SEMA3E: variants seen among roughly 807,000 people sequenced by gnomAD.
SEMA3E encodes the protein semaphorin 3E.
In SEMA3E, 49 loss-of-function variants were observed where a neutral mutation model predicts 93.6. That is an observed-to-expected ratio of 0.52 (90% CI 0.42 to 0.66). The LOEUF (loss-of-function observed/expected upper bound fraction) is 0.66. Ranked by LOEUF, SEMA3E falls within the 30% of genes least tolerant of loss-of-function variation. SEMA3E has a pLI of 0.00. For missense variants in SEMA3E, 906 were observed against 964.8 expected, an observed-to-expected ratio of 0.94 and a Z score of 0.81; for synonymous variants, 363 against 330.7, an observed-to-expected ratio of 1.10 and a Z score of -1.06.
intron 2 of SEMA3E, among the ~76,000 whole-genome samples, chr7:83,477,540 C>T (rs937214922): frequency 6.6e-6 from 1 of 152,040 alleles, no homozygotes; most frequent in African/African-American, 2.4e-5. Context: ...TGTCATTACT[C>T]AAGCAGTTTA....
Position 83,459,569 on chromosome 7 carries a change from G to C in SEMA3E, c.456+6913C>G, listed in dbSNP as rs969223711. ...CTAAAGTTCTACTTTTATATCCTCT[G>C]CATTGTTTCTTTAAAATGAATCAAT... On this transcript the variant is annotated intron_variant, in intron 4 of 16. Transcript: ENST00000643230. 3.3e-5 allele frequency among the ~76,000 whole-genome samples: 5 copies of C among 152,176 alleles called. No homozygotes were observed. In the South Asian group the frequency reaches 1.0e-3, roughly 32 times the overall value.
At chr7:83,410,184 A>G (rs1788410777) in intron 5 of SEMA3E, among the ~76,000 whole-genome samples, 1 of 151,952 alleles carries the variant, frequency 6.6e-6, no homozygotes, top group Non-Finnish European at 1.5e-5. Flanking sequence ...TGGTTTCCAA[A>G]AAAGAATTCA....
intron 1 of SEMA3E, among the ~76,000 whole-genome samples, chr7:83,571,630 A>G (rs997996387): frequency 6.6e-6 from 1 of 152,238 alleles, no homozygotes; most frequent in African/African-American, 2.4e-5. Context: ...CTGAATGAGC[A>G]AAGGCTGGAA....
chr7:83,528,118 A>G (rs1299450574), intron 1 of SEMA3E, among the ~76,000 whole-genome samples: 1 of 151,676 alleles, frequency 6.6e-6, no homozygotes, highest in Admixed American at 6.6e-5. Flanking sequence ...GGTAGGAAAA[A>G]GTAACTGTCA....
At chr7:83,411,859 T>A (rs996771375) in intron 5 of SEMA3E, among the ~76,000 whole-genome samples, 2 of 152,190 alleles carry the variant, frequency 1.3e-5, no homozygotes, top group Non-Finnish European at 2.9e-5. Flanking sequence ...AGAAGAACTA[T>A]CTAAGGATTT....
chr7:83,604,530 G>A (rs1287669552), intron 1 of SEMA3E, among the ~76,000 whole-genome samples: 1 of 146,718 alleles, frequency 6.8e-6, no homozygotes, highest in Non-Finnish European at 1.5e-5. Context: ...ACATATATAT[G>A]TATATATATA....
At chr7:83,392,405 A>C (rs1423410726) in intron 14 of SEMA3E, 150 bp downstream of exon 14, 14 of 874,074 alleles carry the variant, frequency 1.6e-5, no homozygotes, top group Non-Finnish European at 2.5e-5. Flanking sequence ...GGGTGAAAAA[A>C]TAAAAGGTCA....
chr7:83,573,018 A>G (rs1401905665), intron 1 of SEMA3E, among the ~76,000 whole-genome samples: 1 of 152,196 alleles, frequency 6.6e-6, no homozygotes, highest in Non-Finnish European at 1.5e-5. Context: ...TTCAAGAGAA[A>G]CAAAAATTGA....
intron 2 of SEMA3E, among the ~76,000 whole-genome samples, chr7:83,477,434 C>T (rs1029634433): frequency 1.3e-5 from 2 of 151,992 alleles, no homozygotes; most frequent in Non-Finnish European, 2.9e-5. Context: ...GAATAGAACA[C>T]ATTAAAATAG....
Position 83,469,228 on chromosome 7 carries a change from A to G in SEMA3E, c.336+15T>C, listed in dbSNP as rs1165624193. Reference sequence around the variant, plus strand: ...TAATTGATGATTTGTTTAATTTACAATGAATCATACTTACCGCATCTTTTC... The same window carrying G: ...TAATTGATGATTTGTTTAATTTACAGTGAATCATACTTACCGCATCTTTTC... On this transcript the variant is annotated intron_variant, in intron 3 of 16. Transcript: ENST00000643230. 7 of 1,592,184 alleles carry G rather than the reference A, an allele frequency of 4.4e-6. No homozygotes were observed. The highest frequency in any genetic ancestry group is 1.3e-5 in the African/African-American group (1 of 74,490).
chr7:83,474,095 T>TAAAAAA (rs11324407), intron 2 of SEMA3E, among the ~76,000 whole-genome samples: 6 of 108,592 alleles, frequency 5.5e-5, no homozygotes, highest in Non-Finnish European at 7.6e-5. Context: ...CTATCTCAAT[T>TAAAAAA]AAAAAAAAAA....
intron 14 of SEMA3E, among the ~76,000 whole-genome samples, chr7:83,390,142 C>T (rs1423801994): frequency 8.3e-5 from 3 of 36,212 alleles, no homozygotes; most frequent in Non-Finnish European, 1.1e-4. Flanking sequence ...CACATATATG[C>T]GCGTATACGT....
intron 1 of SEMA3E, among the ~76,000 whole-genome samples, chr7:83,543,359 T>A (rs934254348): frequency 2.2e-5 from 2 of 92,282 alleles, no homozygotes; most frequent in African/African-American, 3.6e-5. Context: ...CTGAATGAAC[T>A]TTTTTTTTAT....
At chr7:83,466,872 TAA>T (rs1234107842) in intron 3 of SEMA3E, among the ~76,000 whole-genome samples, 1 of 152,056 alleles carries the variant, frequency 6.6e-6, no homozygotes, top group Admixed American at 6.6e-5. Flanking sequence ...AACTGAGGAA[TAA>T]AAAAAGCACT....
At position 83,459,668 on chromosome 7, in the gene SEMA3E, T is replaced by A. The variant is rs1266592785; in HGVS notation, c.456+6814A>T. On this transcript the variant is annotated intron_variant, in intron 4 of 16. Coordinates refer to ENST00000643230, the MANE Select transcript of SEMA3E (RefSeq NM_012431.3). ...TGGTTAACATTTAAAATATGCTAAT[T>A]GTCAGGCCTCTGAGCCCAAGCCAAG... 2.0e-5 allele frequency among the ~76,000 whole-genome samples: 3 copies of A among 152,202 alleles called. No homozygotes were observed. In the East Asian group the frequency reaches 5.8e-4, roughly 29 times the overall value.
intron 1 of SEMA3E, among the ~76,000 whole-genome samples, chr7:83,631,536 A>G (rs1012060563): frequency 6.6e-6 from 1 of 152,264 alleles, no homozygotes; most frequent in Non-Finnish European, 1.5e-5. Flanking sequence ...TCCTGAAGAC[A>G]TTAAATGTGG....
chr7:83,586,808 A>G (rs1385416310), intron 1 of SEMA3E, among the ~76,000 whole-genome samples: 4 of 152,046 alleles, frequency 2.6e-5, no homozygotes, highest in Admixed American at 2.0e-4. Flanking sequence ...ATCGTCAACA[A>G]TGTAAGTACA....
intron 11 of SEMA3E, among the ~76,000 whole-genome samples, chr7:83,399,026 C>A (rs940976371): frequency 6.6e-6 from 1 of 152,044 alleles, no homozygotes; most frequent in Non-Finnish European, 1.5e-5. Flanking sequence ...ATTGGAGAAG[C>A]CCAAGCACCA....
At chr7:83,373,093 G>A (rs1038518060) in intron 16 of SEMA3E, 4 of 151,598 alleles carry the variant, frequency 2.6e-5, no homozygotes, top group Non-Finnish European at 4.4e-5. Context: ...TGCTGAAAAC[G>A]GTTTTATTAT....
Sources: allele counts gnomAD v4.1 joint callset (sites outside exome capture counted in the v4.1 genomes callset), GRCh38; gene constraint gnomAD v4.1.1; transcripts MANE v1.5; gene names NCBI Gene and HGNC (gene_info 2026-07-23, HGNC 2026-07-21).